ZRANB3: variants seen among roughly 807,000 people sequenced by gnomAD.
ZRANB3 encodes the protein DNA annealing helicase and endonuclease ZRANB3.
A neutral mutation model predicts 133.8 loss-of-function variants in ZRANB3; 125 were observed. The ratio of observed to expected loss-of-function variants is 0.93; its 90% CI spans 0.81 to 1.08. The LOEUF is 1.08. Ranked by LOEUF, ZRANB3 falls within the 50% of genes least tolerant of loss-of-function variation. The pLI is 0.00. For synonymous variants in ZRANB3, 387 were observed against 432.7 expected, an observed-to-expected ratio of 0.89 and a Z score of 1.31; for missense variants, 1,229 against 1,275.5, an observed-to-expected ratio of 0.96 and a Z score of 0.56.
Position 135,265,637 on chromosome 2 carries a change from G to A in ZRANB3, c.1436C>T (p.Ala479Val). The change falls in exon 12 of 21, where the codon GCT (alanine) becomes GTT (valine). Residue 479 changes from alanine to valine, a missense_variant. Coordinates refer to ENST00000264159, the MANE Select transcript of ZRANB3 (RefSeq NM_032143.4). ...CCATTTTTCCTTATCACCTTCCTCA[G>A]CCTGAATTTTTTCTTTCCTACCGTT... ...TLNGRKEKIQ[A>V]EEGDKEKWDF... 6.2e-7 allele frequency: 1 copy of A among 1,613,616 alleles called. No individual in the cohort carries two copies. The highest frequency in any genetic ancestry group is 8.5e-7 in the Non-Finnish European group (1 of 1,179,758).
At chr2:135,260,903 ATT>A (rs1338148520) in intron 12 of ZRANB3, among the ~76,000 whole-genome samples, 6 of 146,034 alleles carry the variant, frequency 4.1e-5, no homozygotes, top group East Asian at 2.0e-4. Context: ...TGACATATAT[ATT>A]GTATACTATA....
chr2:135,341,825 C>A (rs1333369393), intron 6 of ZRANB3, among the ~76,000 whole-genome samples: 1 of 150,110 alleles, frequency 6.7e-6, no homozygotes, highest in Middle Eastern at 3.4e-3. Flanking sequence ...CCTGCAGCGC[C>A]CCCAGGCTTA....
intron 11 of ZRANB3, 107 bp from the exon 12 acceptor site, chr2:135,265,793 T>C (rs1447444675): frequency 1.7e-6 from 2 of 1,187,666 alleles, no homozygotes; most frequent in Non-Finnish European, 1.2e-6. Flanking sequence ...ACTAAGAAAA[T>C]CTTACTGTTC....
chr2:135,397,279 C>T (rs1687535142), intron 2 of ZRANB3, among the ~76,000 whole-genome samples: 2 of 151,750 alleles, frequency 1.3e-5, no homozygotes, highest in Non-Finnish European at 2.9e-5. Flanking sequence ...CTCCTCTCCA[C>T]TAAAACTAAA....
intron 7 of ZRANB3, 139 bp downstream of exon 7, chr2:135,315,220 C>A: frequency 1.3e-6 from 1 of 778,574 alleles, no homozygotes; most frequent in Non-Finnish European, 1.8e-6. Flanking sequence ...AATACAAAAC[C>A]AATGTATAGG....
intron 8 of ZRANB3, among the ~76,000 whole-genome samples, chr2:135,277,492 T>C (rs1427349846): frequency 6.6e-6 from 1 of 151,988 alleles, no homozygotes; most frequent in Non-Finnish European, 1.5e-5. Context: ...ATTGCATTTA[T>C]AAAACAAGAT....
intron 2 of ZRANB3, among the ~76,000 whole-genome samples, chr2:135,449,355 C>T (rs1033438074): frequency 6.6e-6 from 1 of 152,272 alleles, no homozygotes; most frequent in East Asian, 1.9e-4. Context: ...CGTGGTGGCT[C>T]ATGTCTGTAA....
chr2:135,516,259 T>C (rs568001243), intron 1 of ZRANB3, among the ~76,000 whole-genome samples: 5 of 151,966 alleles, frequency 3.3e-5, no homozygotes, highest in African/African-American at 9.6e-5. Context: ...TGTCTTTCAA[T>C]TGGGGCATTT....
chr2:135,245,160 G>T (rs541324852), intron 12 of ZRANB3, among the ~76,000 whole-genome samples: 1 of 152,294 alleles, frequency 6.6e-6, no homozygotes, highest in Admixed American at 6.5e-5. Context: ...GCTGTCACAG[G>T]AAGTAAACCT....
chr2:135,439,430 G>C (rs190715323), intron 2 of ZRANB3, among the ~76,000 whole-genome samples: 1 of 152,120 alleles, frequency 6.6e-6, no homozygotes, highest in African/African-American at 2.4e-5. Context: ...ATAACTAACA[G>C]ATTAACTTTG....
chr2:135,230,701 G>A lies in ZRANB3; in HGVS notation c.1766C>T (p.Pro589Leu), dbSNP rs1367199975. The change falls in exon 13 of 21, where the codon CCG becomes CTG. Residue 589 changes from proline to leucine, a missense_variant. Coordinates refer to ENST00000264159, the MANE Select transcript of ZRANB3 (RefSeq NM_032143.4). ...GGACTGGGATGGTGTCTCTTCCGAC[G>A]GACTGCAGTGGTCTTCCGAGGCAGC... ...KLAASEDHCS[P>L]SEETPSQSKQ... 33 of 1,612,508 alleles carry A rather than the reference G, an allele frequency of 2.0e-5. No individual in the cohort carries two copies. The highest frequency in any genetic ancestry group is 4.0e-5 in the African/African-American group (3 of 74,862).
chr2:135,456,415 T>C lies in ZRANB3; in HGVS notation c.161+47914A>G, dbSNP rs902478820. Among the ~76,000 whole-genome samples the C allele has an allele frequency of 2.0e-5, 3 of 152,136 alleles. No individual in the cohort carries two copies. The South Asian group carries it at 6.2e-4, about 31-fold the overall frequency. ...CAGTCACATGGCCTTACATTACCTG[T>C]AAGGAAAGTAGGGAAAAGTAGGCTA... On this transcript the variant is annotated intron_variant, in intron 2 of 20. Coordinates refer to ENST00000264159, the MANE Select transcript of ZRANB3 (RefSeq NM_032143.4).
At chr2:135,228,266 T>C (rs1425015878) in intron 13 of ZRANB3, 6 of 295,532 alleles carry the variant, frequency 2.0e-5, no homozygotes, top group Non-Finnish European at 3.7e-5. Context: ...AATTAACAAA[T>C]AGGTAAATAG....
intron 5 of ZRANB3, among the ~76,000 whole-genome samples, chr2:135,349,337 A>G (rs1395490832): frequency 6.6e-6 from 1 of 152,202 alleles, no homozygotes; most frequent in Non-Finnish European, 1.5e-5. Flanking sequence ...TCTAAGATTC[A>G]GTGTTCATTA....
intron 2 of ZRANB3, among the ~76,000 whole-genome samples, chr2:135,462,854 A>C (rs1427809275): frequency 6.6e-6 from 1 of 152,034 alleles, no homozygotes; most frequent in Non-Finnish European, 1.5e-5. Context: ...CAGCTTCCCA[A>C]AGGGCTGGGA....
intron 2 of ZRANB3, among the ~76,000 whole-genome samples, chr2:135,436,819 C>T (rs1689557198): frequency 6.6e-6 from 1 of 151,946 alleles, no homozygotes; most frequent in South Asian, 2.1e-4. Context: ...CAATCTTAAG[C>T]AAAAAGAATA....
At chr2:135,268,049 T>C (rs893455885) in intron 11 of ZRANB3, among the ~76,000 whole-genome samples, 13 of 152,190 alleles carry the variant, frequency 8.5e-5, no homozygotes, top group African/African-American at 2.9e-4. Flanking sequence ...CTCAGACTTC[T>C]AGCCTCCAGA....
intron 2 of ZRANB3, among the ~76,000 whole-genome samples, chr2:135,454,277 C>A (rs1043623195): frequency 6.6e-6 from 1 of 152,152 alleles, no homozygotes; most frequent in Non-Finnish European, 1.5e-5. Flanking sequence ...CCAGGAGATA[C>A]AATTCAAGTT....
At chr2:135,427,738 C>T (rs756753944) in intron 2 of ZRANB3, among the ~76,000 whole-genome samples, 1 of 152,088 alleles carries the variant, frequency 6.6e-6, no homozygotes, top group African/African-American at 2.4e-5. Context: ...AGCTTGAATG[C>T]TCAAGGCAAT....
Sources: allele counts gnomAD v4.1 joint callset (sites outside exome capture counted in the v4.1 genomes callset), GRCh38; gene constraint gnomAD v4.1.1; transcripts MANE v1.5; gene names NCBI Gene and HGNC (gene_info 2026-07-23, HGNC 2026-07-21).